The following AKAP19 variants were observed in gnomAD, a reference collection of about 807,000 sequenced individuals.
AKAP19 encodes small A-kinase anchoring protein.
At chr2:190,132,729 GT>G in the AKAP19 span, among the ~76,000 whole-genome samples, 5 of 151,722 alleles carry the variant, frequency 3.3e-5, no homozygotes, top group Admixed American at 6.6e-5. Context: ...TTTGGGGGAT[GT>G]TTTTTTTGGA....
At chr2:190,097,638 T>C in the AKAP19 span, among the ~76,000 whole-genome samples, 25 of 152,130 alleles carry the variant, frequency 1.6e-4, no homozygotes, top group African/African-American at 4.8e-4. Flanking sequence ...CGGAATGTTC[T>C]AAATTCTTTC....
chr2:190,102,881 A>G, the AKAP19 span, among the ~76,000 whole-genome samples: 1 of 152,160 alleles, frequency 6.6e-6, no homozygotes, highest in East Asian at 1.9e-4. Flanking sequence ...CCTGGCAGAG[A>G]CACAGCAAAA....
At chr2:189,971,862 T>A in the AKAP19 span, among the ~76,000 whole-genome samples, 1 of 151,806 alleles carries the variant, frequency 6.6e-6, no homozygotes, top group African/African-American at 2.4e-5. Context: ...GTTTGAGTTC[T>A]TTGTAGATTC....
At chr2:190,021,683 C>T in the AKAP19 span, among the ~76,000 whole-genome samples, 1 of 152,190 alleles carries the variant, frequency 6.6e-6, no homozygotes, top group African/African-American at 2.4e-5. Flanking sequence ...TGTCCAATAC[C>T]AGACTTTGCT....
At chr2:189,973,923 A>G in the AKAP19 span, among the ~76,000 whole-genome samples, 1 of 152,248 alleles carries the variant, frequency 6.6e-6, no homozygotes, top group African/African-American at 2.4e-5. Context: ...ATCTTTTCAA[A>G]AAACCAACTC....
At chr2:190,042,934 T>C in the AKAP19 span, among the ~76,000 whole-genome samples, 2,894 of 152,322 alleles carry the variant, frequency 0.019, 98 homozygotes, top group African/African-American at 0.066. Context: ...AATGATGTTA[T>C]TTCTCCTTCA....
At chr2:189,971,802 T>C in the AKAP19 span, among the ~76,000 whole-genome samples, 1 of 150,002 alleles carries the variant, frequency 6.7e-6, no homozygotes, top group African/African-American at 2.5e-5. Flanking sequence ...TCTGTTCATA[T>C]CCTTCACCCA....
chr2:190,155,081 A>G, the AKAP19 span, among the ~76,000 whole-genome samples: 1 of 152,254 alleles, frequency 6.6e-6, no homozygotes, highest in African/African-American at 2.4e-5. Flanking sequence ...AAGCAGGGAC[A>G]GCCAACATAG....
chr2:190,185,442 G>A, the AKAP19 span, among the ~76,000 whole-genome samples: 1 of 152,148 alleles, frequency 6.6e-6, no homozygotes, highest in African/African-American at 2.4e-5. Flanking sequence ...ATGATAAAGC[G>A]GGAAGAGGTT....
chr2:190,149,264 T>G, the AKAP19 span, among the ~76,000 whole-genome samples: 1 of 152,162 alleles, frequency 6.6e-6, no homozygotes, highest in African/African-American at 2.4e-5. Flanking sequence ...CGCCCATTAT[T>G]TTTCAAAGAA....
chr2:189,916,042 G>A, the AKAP19 span, among the ~76,000 whole-genome samples: 1 of 151,912 alleles, frequency 6.6e-6, no homozygotes, highest in African/African-American at 2.4e-5. Flanking sequence ...AGCTTTCCCA[G>A]GCAGATATAA....
the AKAP19 span, among the ~76,000 whole-genome samples, chr2:189,947,957 A>T: frequency 1.3e-3 from 199 of 152,286 alleles, no homozygotes; most frequent in African/African-American, 4.7e-3. Flanking sequence ...CTTGACAAAC[A>T]GCTTTACCAA....
the AKAP19 span, chr2:190,181,237 G>C: frequency 1.2e-6 from 1 of 812,026 alleles, no homozygotes; most frequent in Admixed American, 6.2e-5. Context: ...TTAATTAAAC[G>C]AGACCGTTCT....
the AKAP19 span, among the ~76,000 whole-genome samples, chr2:190,166,837 A>G: frequency 6.6e-6 from 1 of 152,218 alleles, no homozygotes; most frequent in Non-Finnish European, 1.5e-5. Flanking sequence ...AAAAGCAGGA[A>G]CAAAAATAAT....
chr2:190,123,238 A>G, the AKAP19 span, among the ~76,000 whole-genome samples: 2 of 152,288 alleles, frequency 1.3e-5, no homozygotes, highest in South Asian at 2.1e-4. Flanking sequence ...TTTTAAGCAT[A>G]TATTTAAGAA....
At chr2:190,010,741 CTTA>C in the AKAP19 span, among the ~76,000 whole-genome samples, 1 of 152,044 alleles carries the variant, frequency 6.6e-6, no homozygotes, top group Non-Finnish European at 1.5e-5. Context: ...TTCATTTTAT[CTTA>C]TTGAATATTG....
At chr2:189,955,539 A>C in the AKAP19 span, among the ~76,000 whole-genome samples, 41 of 152,290 alleles carry the variant, frequency 2.7e-4, no homozygotes, top group Admixed American at 1.3e-3. Context: ...AGAAATCTCC[A>C]TACTGTTTTC....
chr2:190,097,175 G>T, the AKAP19 span, among the ~76,000 whole-genome samples: 1 of 152,014 alleles, frequency 6.6e-6, no homozygotes. Flanking sequence ...CATCACCTAG[G>T]TATTAAGCCC....
the AKAP19 span, among the ~76,000 whole-genome samples, chr2:190,036,248 CT>C: frequency 6.6e-6 from 1 of 152,162 alleles, no homozygotes; most frequent in Non-Finnish European, 1.5e-5. Context: ...CTTGGATAGA[CT>C]ACAGTATAGC....
Sources: gnomAD v4.1 joint callset for allele counts (sites outside exome capture counted in the v4.1 genomes callset) on GRCh38, gnomAD v4.1.1 for gene constraint, MANE v1.5 for transcripts, NCBI Gene and HGNC (gene_info 2026-07-23, HGNC 2026-07-21) for gene names.